Variants in PRR16 observed in about 807,000 individuals in gnomAD.
The protein encoded by PRR16 is proline rich 16.
In PRR16, 6 loss-of-function variants were observed where a neutral mutation model predicts 18.2. That is an observed-to-expected ratio of 0.33 (90% CI 0.18 to 0.65). PRR16 has a LOEUF of 0.65. PRR16 is among the 30% of genes least tolerant of loss of function. The pLI, the probability that PRR16 is intolerant of heterozygous loss-of-function variation, is 0.74. For missense variants in PRR16, 412 were observed against 376.6 expected (o/e 1.09, Z -0.78); for synonymous variants, 151 against 147.8 (o/e 1.02, Z -0.16).
chr5:120,619,743 T>C (rs1264822217), intron 1 of PRR16, among the ~76,000 whole-genome samples: 1 of 152,050 alleles, frequency 6.6e-6, no homozygotes, highest in Non-Finnish European at 1.5e-5. Flanking sequence ...AAATTAACAG[T>C]CTAAACTAAT....
intron 1 of PRR16, among the ~76,000 whole-genome samples, chr5:120,543,879 G>A: frequency 6.6e-6 from 1 of 152,152 alleles, no homozygotes; most frequent in Non-Finnish European, 1.5e-5. Context: ...TTGAGTCTCA[G>A]TTGCCTCATC....
chr5:120,761,194 C>CT, the PRR16 span, among the ~76,000 whole-genome samples: 1 of 152,022 alleles, frequency 6.6e-6, no homozygotes, highest in Non-Finnish European at 1.5e-5. Flanking sequence ...TAATTAATCT[C>CT]TATGCATGGT....
At chr5:120,744,923 A>G in the PRR16 span, among the ~76,000 whole-genome samples, 15 of 152,154 alleles carry the variant, frequency 9.9e-5, no homozygotes, top group African/African-American at 3.6e-4. Context: ...ATGTCCTCTA[A>G]CCCAATTCAC....
the PRR16 span, among the ~76,000 whole-genome samples, chr5:120,753,898 ATATT>A: frequency 8.1e-6 from 1 of 122,986 alleles, no homozygotes; most frequent in Non-Finnish European, 1.6e-5. Context: ...TATATAATAT[ATATT>A]TATAAATCTC....
rs116361602 is a variant in PRR16 at position 120,660,856 on chromosome 5, T to A, written c.160-25098T>A. Among the ~76,000 whole-genome samples the A allele has an allele frequency of 9.1e-3, 1,385 of 152,236 alleles. 8 individuals are homozygous for A. The highest frequency in any genetic ancestry group is 0.028 in the South Asian group (134 of 4,832). On this transcript the variant is annotated intron_variant, in intron 1 of 1. Coordinates refer to ENST00000407149, the MANE Select transcript of PRR16 (RefSeq NM_001300783.2). ...GGAATATAAAAAGCAAAAAAAGGAT[T>A]TGAAATTCTTTTCTATGTTTGATAT... is the stretch of plus-strand genomic sequence containing the variant.
At chr5:120,712,616 G>C in the PRR16 span, among the ~76,000 whole-genome samples, 8 of 151,798 alleles carry the variant, frequency 5.3e-5, no homozygotes, top group South Asian at 1.5e-3. Flanking sequence ...CAATTCAATA[G>C]TAAAAGAAAA....
the PRR16 span, among the ~76,000 whole-genome samples, chr5:120,758,981 T>TC: frequency 6.9e-6 from 1 of 144,462 alleles, no homozygotes; most frequent in Non-Finnish European, 1.5e-5. Context: ...TTTCTTTTTT[T>TC]TTTTTTTTTT....
intron 1 of PRR16, among the ~76,000 whole-genome samples, chr5:120,681,710 C>A (rs1036833230): frequency 2.0e-4 from 30 of 152,176 alleles, no homozygotes; most frequent in Admixed American, 1.8e-3. Flanking sequence ...ATTTCTCTCA[C>A]TTCTATATCA....
chr5:120,478,694 C>T lies in PRR16; in HGVS notation c.159+14049C>T, dbSNP rs372010361. On this transcript the variant is annotated intron_variant, in intron 1 of 1. Coordinates refer to ENST00000407149, the MANE Select transcript of PRR16 (RefSeq NM_001300783.2). ...TCTGATTTAGGAGTGCCCATTTTTC[C>T]TTTTTGCCTAGGAATGTAATTTTAA... 1.0e-3 allele frequency among the ~76,000 whole-genome samples: 159 copies of T among 152,010 alleles called. 1 individual carries two copies. Among genetic ancestry groups the T allele is most frequent in the African/African-American group, 3.6e-3 (150 of 41,476 alleles).
the PRR16 span, among the ~76,000 whole-genome samples, chr5:120,757,045 A>G: frequency 6.6e-6 from 1 of 152,148 alleles, no homozygotes; most frequent in African/African-American, 2.4e-5. Flanking sequence ...ATGGACATCC[A>G]GCTATACCAG....
At chr5:120,705,043 T>A in the PRR16 span, among the ~76,000 whole-genome samples, 2 of 152,012 alleles carry the variant, frequency 1.3e-5, no homozygotes, top group Middle Eastern at 6.8e-3. Flanking sequence ...TTTAACACTT[T>A]AAGTTTGTGT....
intron 1 of PRR16, among the ~76,000 whole-genome samples, chr5:120,619,264 G>T (rs1432866054): frequency 6.6e-6 from 1 of 151,844 alleles, no homozygotes; most frequent in Non-Finnish European, 1.5e-5. Context: ...AATTTTTCTT[G>T]AAAAAAGAAT....
chr5:120,775,936 C>G, the PRR16 span, among the ~76,000 whole-genome samples: 2 of 151,724 alleles, frequency 1.3e-5, no homozygotes, highest in Non-Finnish European at 2.9e-5. Context: ...GTGTGAGCCA[C>G]CATGCCTGGC....
the PRR16 span, among the ~76,000 whole-genome samples, chr5:120,764,107 G>T: frequency 1.3e-5 from 2 of 152,114 alleles, no homozygotes; most frequent in Non-Finnish European, 2.9e-5. Context: ...TTGAGTAGTA[G>T]TGGTGAAAGA....
chr5:120,646,092 T>G (rs992734930), intron 1 of PRR16, among the ~76,000 whole-genome samples: 2 of 129,490 alleles, frequency 1.5e-5, no homozygotes, highest in Non-Finnish European at 3.4e-5. Context: ...TTCATGAATA[T>G]TATAGGAATA....
intron 1 of PRR16, among the ~76,000 whole-genome samples, chr5:120,487,908 T>A (rs1749872447): frequency 6.6e-6 from 1 of 152,210 alleles, no homozygotes; most frequent in Non-Finnish European, 1.5e-5. Flanking sequence ...GATATAATCA[T>A]GCGGTTTTTG....
chr5:120,679,250 G>C (rs1756901560), intron 1 of PRR16, among the ~76,000 whole-genome samples: 1 of 152,048 alleles, frequency 6.6e-6, no homozygotes, highest in Non-Finnish European at 1.5e-5. Context: ...TCAAGTTTCA[G>C]ATACATTTTT....
At chr5:120,480,211 G>T (rs1169867069) in intron 1 of PRR16, among the ~76,000 whole-genome samples, 2 of 152,108 alleles carry the variant, frequency 1.3e-5, no homozygotes, top group Non-Finnish European at 2.9e-5. Flanking sequence ...GGAGGCAGAG[G>T]TTGCAGTGAG....
chr5:120,562,214 C>G (rs1199886582), intron 1 of PRR16, among the ~76,000 whole-genome samples: 1 of 151,790 alleles, frequency 6.6e-6, no homozygotes, highest in African/African-American at 2.4e-5. Context: ...TGGATCAATC[C>G]CTTTATCATT....
Sources: allele counts gnomAD v4.1 joint callset (sites outside exome capture counted in the v4.1 genomes callset), GRCh38; gene constraint gnomAD v4.1.1; transcripts MANE v1.5; gene names NCBI Gene and HGNC (gene_info 2026-07-23, HGNC 2026-07-21).